The following LRRC4C variants were observed in gnomAD, a reference collection of about 807,000 sequenced individuals.
LRRC4C encodes leucine rich repeat containing 4C, also known as leucine-rich repeat-containing protein 4C.
LRRC4C carries 5 observed loss-of-function variants against 33.6 expected under a neutral mutation model. That is an observed-to-expected ratio of 0.15 (90% CI 0.08 to 0.31). The LOEUF is 0.31. LRRC4C is among the 10% of genes least tolerant of loss of function. The pLI is 1.00. For synonymous variants in LRRC4C, 329 were observed against 302.0 expected (o/e 1.09, Z -0.93); for missense variants, 560 against 796.7 (o/e 0.70, Z 3.58).
chr11:40,635,628 A>ATTTTTTTT (rs71060975), intron 3 of LRRC4C, among the ~76,000 whole-genome samples: 13 of 92,222 alleles, frequency 1.4e-4, no homozygotes, highest in African/African-American at 4.4e-4. Context: ...AAAGAACCAA[A>ATTTTTTTT]TTTTTTTTTT....
At chr11:41,136,196 T>G (rs554968985) in intron 1 of LRRC4C, among the ~76,000 whole-genome samples, 2 of 152,252 alleles carry the variant, frequency 1.3e-5, no homozygotes, top group South Asian at 2.1e-4. Flanking sequence ...AGACTAAACA[T>G]AAGGAAATAA....
chr11:40,524,449 A>T (rs1426248463), intron 3 of LRRC4C, among the ~76,000 whole-genome samples: 1 of 152,226 alleles, frequency 6.6e-6, no homozygotes, highest in Non-Finnish European at 1.5e-5. Flanking sequence ...GAACACATAT[A>T]TGTCCTCTAT....
intron 2 of LRRC4C, among the ~76,000 whole-genome samples, chr11:40,671,642 A>AGTGTGTGTGTG (rs1488959587): frequency 2.3e-5 from 2 of 88,714 alleles, no homozygotes; most frequent in African/African-American, 3.3e-5. Context: ...TCTTGTCCTT[A>AGTGTGTGTGTG]TTCAGTGTGT....
intron 1 of LRRC4C, among the ~76,000 whole-genome samples, chr11:41,167,926 A>C (rs1458474727): frequency 6.6e-6 from 1 of 152,242 alleles, no homozygotes; most frequent in African/African-American, 2.4e-5. Flanking sequence ...ATGTCTGTAC[A>C]TACCAGAAAT....
intron 4 of LRRC4C, among the ~76,000 whole-genome samples, chr11:40,276,881 T>G (rs2136402556): frequency 6.6e-6 from 1 of 152,198 alleles, no homozygotes; most frequent in African/African-American, 2.4e-5. Context: ...GCCTCCCATC[T>G]GGACCAATGC....
intron 1 of LRRC4C, among the ~76,000 whole-genome samples, chr11:41,244,631 T>C (rs892653472): frequency 6.6e-6 from 1 of 152,196 alleles, no homozygotes; most frequent in African/African-American, 2.4e-5. Context: ...TACAAACTTT[T>C]CTTTTTGGTA....
chr11:40,243,858 T>A (rs1171444106), intron 4 of LRRC4C, among the ~76,000 whole-genome samples: 1 of 150,562 alleles, frequency 6.6e-6, no homozygotes, highest in South Asian at 2.1e-4. Flanking sequence ...CTGGGTATTT[T>A]TTTTTTTTTT....
chr11:40,936,997 T>C (rs1459296165), intron 1 of LRRC4C, among the ~76,000 whole-genome samples: 1 of 152,178 alleles, frequency 6.6e-6, no homozygotes, highest in Non-Finnish European at 1.5e-5. Flanking sequence ...AAAGTAACTG[T>C]CTAACATTGT....
intron 1 of LRRC4C, among the ~76,000 whole-genome samples, chr11:41,130,423 A>T (rs1413933490): frequency 2.6e-5 from 4 of 151,962 alleles, no homozygotes; most frequent in Non-Finnish European, 1.5e-5. Context: ...TCATTTTAGA[A>T]GGACACATCT....
At chr11:40,202,730 T>C (rs1310093039) in intron 5 of LRRC4C, among the ~76,000 whole-genome samples, 3 of 152,110 alleles carry the variant, frequency 2.0e-5, no homozygotes, top group African/African-American at 7.2e-5. Context: ...CAAACCAGCC[T>C]GCAGGGATCT....
chr11:40,301,182 A>T (rs529551824), intron 4 of LRRC4C, among the ~76,000 whole-genome samples: 1 of 152,358 alleles, frequency 6.6e-6, no homozygotes, highest in South Asian at 2.1e-4. Flanking sequence ...TAAAGTAATA[A>T]GAAGAAAGCT....
intron 3 of LRRC4C, among the ~76,000 whole-genome samples, chr11:40,624,321 A>T (rs548133055): frequency 6.6e-6 from 1 of 152,282 alleles, no homozygotes; most frequent in East Asian, 1.9e-4. Context: ...ACTAGTCTTT[A>T]GCTCATTTTG....
At chr11:40,810,896 T>A (rs1005523957) in intron 2 of LRRC4C, among the ~76,000 whole-genome samples, 1 of 152,164 alleles carries the variant, frequency 6.6e-6, no homozygotes, top group Non-Finnish European at 1.5e-5. Flanking sequence ...TTCCAAAAAT[T>A]TATATCCAAT....
intron 5 of LRRC4C, among the ~76,000 whole-genome samples, chr11:40,231,191 G>A (rs1865170109): frequency 6.6e-6 from 1 of 152,104 alleles, no homozygotes; most frequent in Admixed American, 6.6e-5. Context: ...ACAACAGAGT[G>A]ACAGTTTGTC....
At chr11:41,088,503 T>C (rs1358729499) in intron 1 of LRRC4C, among the ~76,000 whole-genome samples, 1 of 152,072 alleles carries the variant, frequency 6.6e-6, no homozygotes, top group Non-Finnish European at 1.5e-5. Flanking sequence ...TACAAACCAA[T>C]GTCCTTAAAA....
At chr11:40,310,125 G>A (rs559252256) in intron 4 of LRRC4C, among the ~76,000 whole-genome samples, 2 of 152,098 alleles carry the variant, frequency 1.3e-5, no homozygotes, top group East Asian at 3.9e-4. Flanking sequence ...CTTATTTCCC[G>A]CAGCCCTATT....
chr11:40,336,313 G>A (rs909092454), intron 3 of LRRC4C, among the ~76,000 whole-genome samples: 2 of 152,150 alleles, frequency 1.3e-5, no homozygotes, highest in African/African-American at 4.8e-5. Flanking sequence ...GGCCGAAAGA[G>A]TGTGAAAGAA....
At chr11:40,461,973 G>A (rs942148389) in intron 3 of LRRC4C, among the ~76,000 whole-genome samples, 2 of 151,750 alleles carry the variant, frequency 1.3e-5, no homozygotes, top group Non-Finnish European at 2.9e-5. Flanking sequence ...TGGAAAGGAG[G>A]GGAACAGGAA....
chr11:41,377,678 A>T (rs182560665), intron 1 of LRRC4C, among the ~76,000 whole-genome samples: 3 of 152,268 alleles, frequency 2.0e-5, no homozygotes, highest in Non-Finnish European at 4.4e-5. Context: ...CTTCAAATAC[A>T]CAATATTGAA....
Sources: allele counts gnomAD v4.1 joint callset (sites outside exome capture counted in the v4.1 genomes callset), GRCh38; gene constraint gnomAD v4.1.1; transcripts MANE v1.5; gene names NCBI Gene and HGNC (gene_info 2026-07-23, HGNC 2026-07-21).